RABGAP1L: variants seen among roughly 807,000 people sequenced by gnomAD.
The protein encoded by RABGAP1L is RAB GTPase activating protein 1 like.
Under a neutral mutation model 137.7 loss-of-function variants are expected in RABGAP1L, and 63 were observed. The observed-to-expected ratio is 0.46, with a 90% confidence interval of 0.37 to 0.56. The LOEUF (loss-of-function observed/expected upper bound fraction) is 0.56. RABGAP1L is among the 20% of genes least tolerant of loss of function. RABGAP1L has a pLI of 0.00. For synonymous variants in RABGAP1L, 431 were observed against 433.7 expected (o/e 0.99, Z 0.08); for missense variants, 1,095 against 1,244.0 (o/e 0.88, Z 1.80).
At chr1:174,721,402 G>A (rs1681529355) in intron 17 of RABGAP1L, among the ~76,000 whole-genome samples, 1 of 152,192 alleles carries the variant, frequency 6.6e-6, no homozygotes, top group Non-Finnish European at 1.5e-5. Flanking sequence ...CAATATTTCT[G>A]TGGTTGCTTT....
chr1:174,231,386 A>G (rs1483378474), intron 4 of RABGAP1L, 31 bp downstream of exon 4: 4 of 1,581,012 alleles, frequency 2.5e-6, no homozygotes, highest in Non-Finnish European at 3.5e-6. Flanking sequence ...CTTTAGACAC[A>G]TATTAAGTCT....
intron 1 of RABGAP1L, among the ~76,000 whole-genome samples, chr1:174,186,557 A>G (rs1666820229): frequency 6.6e-6 from 1 of 152,338 alleles, no homozygotes; most frequent in Non-Finnish European, 1.5e-5. Context: ...ACCAACCTGT[A>G]GAAAAACTAG....
chr1:174,962,587 A>G (rs1431586059), intron 20 of RABGAP1L, among the ~76,000 whole-genome samples: 1 of 152,252 alleles, frequency 6.6e-6, no homozygotes, highest in Non-Finnish European at 1.5e-5. Context: ...AATACAAATG[A>G]AATATTTGAA....
At position 174,784,011 on chromosome 1, in the gene RABGAP1L, C is replaced by CTTT. The variant is rs3085670; in HGVS notation, c.2212-27796_2212-27794dup. Among the ~76,000 whole-genome samples the CTTT allele has an allele frequency of 7.4e-3, 384 of 52,176 alleles. 14 individuals carry two copies. Among genetic ancestry groups the CTTT allele is most frequent in the African/African-American group, 0.012 (161 of 13,568 alleles). The allele number at this position is 52,176 out of a possible 152,430, so 34.2% of individuals were successfully genotyped here. A position where few individuals can be genotyped will look rare whatever the true frequency, so the allele number is the denominator to read the frequency against. ...GCCGTGAGTTTTTCTTCTTCTTCTT[C>CTTT]TTTTTTTTTTTTTTTTTTTTTTTTT... On this transcript the variant is annotated intron_variant, in intron 18 of 25. Transcript: ENST00000681986.
intron 13 of RABGAP1L, chr1:174,548,373 G>T (rs1447692934): frequency 9.7e-7 from 1 of 1,035,360 alleles, no homozygotes; most frequent in East Asian, 6.6e-5. Flanking sequence ...TAAAAGTCCT[G>T]TCTACCATAT....
intron 19 of RABGAP1L, among the ~76,000 whole-genome samples, chr1:174,899,066 G>A (rs1017288233): frequency 1.3e-5 from 2 of 152,170 alleles, no homozygotes; most frequent in Non-Finnish European, 2.9e-5. Flanking sequence ...CAGAGAAGAT[G>A]TGAAGAATGA....
chr1:174,207,867 G>A (rs1264747515), intron 1 of RABGAP1L, among the ~76,000 whole-genome samples: 1 of 152,134 alleles, frequency 6.6e-6, no homozygotes, highest in Admixed American at 6.5e-5. Context: ...CTTCATCTAA[G>A]TGGCCGAATT....
intron 13 of RABGAP1L, among the ~76,000 whole-genome samples, chr1:174,420,043 TC>T (rs1218754068): frequency 6.6e-6 from 1 of 152,148 alleles, no homozygotes; most frequent in African/African-American, 2.4e-5. Context: ...ACATTTTACT[TC>T]CCAGGAAGAA....
intron 13 of RABGAP1L, among the ~76,000 whole-genome samples, chr1:174,588,718 G>C (rs953128446): frequency 3.3e-5 from 5 of 151,908 alleles, no homozygotes; most frequent in Admixed American, 1.3e-4. Context: ...TTTTCTGCCT[G>C]TTTTATTTCA....
At chr1:174,253,715 T>C (rs1248183471) in intron 7 of RABGAP1L, among the ~76,000 whole-genome samples, 1 of 152,178 alleles carries the variant, frequency 6.6e-6, no homozygotes, top group Non-Finnish European at 1.5e-5. Flanking sequence ...GGTACTTCAG[T>C]CAATTATCAG....
At chr1:174,445,196 A>G (rs1558240271) in intron 13 of RABGAP1L, among the ~76,000 whole-genome samples, 1 of 152,144 alleles carries the variant, frequency 6.6e-6, no homozygotes. Flanking sequence ...TTTGTAAATT[A>G]GTTCTAAGTC....
chr1:174,889,829 A>C (rs545584387), intron 19 of RABGAP1L, among the ~76,000 whole-genome samples: 59 of 152,236 alleles, frequency 3.9e-4, no homozygotes, highest in African/African-American at 1.4e-3. Flanking sequence ...GCTTGAGTCC[A>C]AGTGATTCTC....
At chr1:174,673,246 T>C (rs1677322066) in intron 14 of RABGAP1L, among the ~76,000 whole-genome samples, 1 of 152,196 alleles carries the variant, frequency 6.6e-6, no homozygotes, top group Admixed American at 6.5e-5. Context: ...TGGAAACTGA[T>C]GATAATGAAG....
At chr1:174,354,618 C>T (rs1479532619) in intron 11 of RABGAP1L, among the ~76,000 whole-genome samples, 1 of 152,174 alleles carries the variant, frequency 6.6e-6, no homozygotes. Context: ...GTTGCCTGTT[C>T]ACTCTGATGG....
intron 13 of RABGAP1L, among the ~76,000 whole-genome samples, chr1:174,607,071 T>TA (rs1485279456): frequency 1.3e-5 from 2 of 152,170 alleles, no homozygotes; most frequent in African/African-American, 4.8e-5. Context: ...GACACCCACT[T>TA]ACATTTTTGT....
chr1:174,608,205 C>A (rs1007018731), intron 13 of RABGAP1L, among the ~76,000 whole-genome samples: 4 of 152,086 alleles, frequency 2.6e-5, no homozygotes, highest in African/African-American at 4.8e-5. Flanking sequence ...GCAATATAAC[C>A]TTTTTCTTCA....
chr1:174,852,344 C>T lies in RABGAP1L; in HGVS notation c.2340+40384C>T, dbSNP rs138475286. 3.0e-3 allele frequency among the ~76,000 whole-genome samples: 459 copies of T among 152,248 alleles called. 2 individuals are homozygous for T. Among genetic ancestry groups the T allele is most frequent in the African/African-American group, 0.01 (424 of 41,544 alleles). On this transcript the variant is annotated intron_variant, in intron 19 of 25. Coordinates refer to ENST00000681986, the MANE Select transcript of RABGAP1L (RefSeq NM_001366446.1). ...AGTCCATAGCATCCATCATCAAGTG[C>T]AATAAGACTGTGACTCTCTGTTACT...
At chr1:174,989,672 T>C (rs935981377) in intron 25 of RABGAP1L, among the ~76,000 whole-genome samples, 177 bp from the exon 26 acceptor site, 1 of 152,212 alleles carries the variant, frequency 6.6e-6, no homozygotes, top group African/African-American at 2.4e-5. Flanking sequence ...TTTTGATAAG[T>C]CTTTTAGCTC....
intron 17 of RABGAP1L, among the ~76,000 whole-genome samples, chr1:174,733,323 A>G (rs1162473044): frequency 6.6e-6 from 1 of 152,178 alleles, no homozygotes; most frequent in Non-Finnish European, 1.5e-5. Flanking sequence ...CTCCAGCTTC[A>G]TCCCTCACAT....
Sources: gnomAD v4.1 joint callset for allele counts (sites outside exome capture counted in the v4.1 genomes callset) on GRCh38, gnomAD v4.1.1 for gene constraint, MANE v1.5 for transcripts, NCBI Gene and HGNC (gene_info 2026-07-23, HGNC 2026-07-21) for gene names.